The following MEGF6 variants were observed in gnomAD, a reference collection of about 807,000 sequenced individuals.
MEGF6 encodes the protein multiple epidermal growth factor-like domains protein 6.
Under a neutral mutation model 207.1 loss-of-function variants are expected in MEGF6, and 184 were observed. That is an observed-to-expected ratio of 0.89 (90% CI 0.79 to 1.00). The LOEUF (loss-of-function observed/expected upper bound fraction) is 1.00. MEGF6 is among the 50% of genes least tolerant of loss of function. The pLI, the probability that MEGF6 is intolerant of heterozygous loss-of-function variation, is 0.00. For synonymous variants in MEGF6, 1,038 were observed against 910.0 expected (o/e 1.14, Z -2.53); for missense variants, 2,282 against 2,202.9 (o/e 1.04, Z -0.72).
rs772818015 is a variant in MEGF6 at position 3,493,819 on chromosome 1, C to T, written c.4339G>A (p.Gly1447Ser). ...CGCCCTGGTGGGCAAAGGCAGAGAC[C>T]GGTGACAGGGTCACAGGGTGCCCCC... ...DGGAPCDPVT[G>S]LCLCPPGRSG... Residue 1447 changes from glycine (G) to serine (S), a missense_variant, in exon 34 of 37, where the codon GGT (glycine) becomes AGT (serine). Gly to Ser is a moderately conservative substitution (Grantham distance 56, BLOSUM62 0). Transcript: ENST00000356575. 1.3e-5 allele frequency: 21 copies of T among 1,609,652 alleles called. No individual in the cohort carries two copies. The highest frequency in any genetic ancestry group is 4.0e-5 in the African/African-American group (3 of 74,810).
At position 3,495,979 on chromosome 1, in the gene MEGF6, A is replaced by G; in HGVS notation, c.3782T>C (p.Val1261Ala). The stretch of plus-strand genomic sequence containing the variant: ...GGCCGCCCCCTGCCCACACCCACAC[A>G]CGTGGGTGCAGTTGGGGCCGAAGCG... ...QGRFGPNCTH[V>A]CGCGQGAACD... The change falls in exon 30 of 37, where the codon GTG (valine) becomes GCG (alanine). Residue 1261 changes from valine to alanine, a missense_variant. By Grantham distance (64) the Val-to-Ala change is moderately conservative. Coordinates refer to ENST00000356575, the MANE Select transcript of MEGF6 (RefSeq NM_001409.4). The G allele has an allele frequency of 6.4e-6, 10 of 1,568,740 alleles. No individual in the cohort carries two copies. Among genetic ancestry groups the G allele is most frequent in the Non-Finnish European group, 8.6e-6 (10 of 1,164,736 alleles).
intron 17 of MEGF6, among the ~76,000 whole-genome samples, chr1:3,503,571 G>T (rs41495053): frequency 0.015 from 2,356 of 152,204 alleles, 55 homozygotes; most frequent in African/African-American, 0.053. Flanking sequence ...CCTGTTCACT[G>T]TCTCTGGTAT....
chr1:3,501,012 T>A lies in MEGF6; in HGVS notation c.2529A>T (p.Gly843=). Residue 843 remains glycine (G), a synonymous_variant, in exon 20 of 37, where the codon GGA becomes GGT. Coordinates refer to ENST00000356575, the MANE Select transcript of MEGF6 (RefSeq NM_001409.4). ...ANDGHCHPAT[G]HCSCAPGWTG... ...TCCACCCGGGGGCACAGCTGCAGTG[T>A]CCGGTGGCTGGGTGGCAGTGCCCAT... 6.2e-7 allele frequency: 1 copy of A among 1,612,502 alleles called. No homozygotes were observed. The highest frequency in any genetic ancestry group is 8.5e-7 in the Non-Finnish European group (1 of 1,179,952).
chr1:3,490,710 G>GGGTGGGGCCC, intron 36 of MEGF6, 121 bp from the exon 37 acceptor site: 1 of 1,143,734 alleles, frequency 8.7e-7, no homozygotes, highest in Non-Finnish European at 1.3e-6. Flanking sequence ...CCCAGCAGGT[G>GGGTGGGGCCC]GGTGGGGCCC....
chr1:3,501,842 C>T lies in MEGF6; in HGVS notation c.2268G>A (p.Gly756=), dbSNP rs758149989. The change falls in exon 18 of 37, where the codon GGG becomes GGA. Residue 756 remains glycine, a synonymous_variant. Coordinates refer to ENST00000356575, the MANE Select transcript of MEGF6 (RefSeq NM_001409.4). ...CGGAPCHGVT[G]QCRCPPGRTG... ...TCCTCCCCGGCGGACACCGGCACTG[C>T]CCCGTGACCCCGTGGCAGGGGGCCC... is the stretch of plus-strand genomic sequence containing the variant. 1.6e-5 allele frequency: 25 copies of T among 1,607,252 alleles called. No individual in the cohort carries two copies. In the Admixed American group the frequency reaches 2.1e-4, roughly 13 times the overall value.
At position 3,493,582 on chromosome 1, in the gene MEGF6, G is replaced by A. The variant is rs1171239417; in HGVS notation, c.4387+189C>T. The A allele has an allele frequency of 4.0e-6, 3 of 745,684 alleles. No individual in the cohort carries two copies. In the Admixed American group the frequency reaches 9.3e-5, roughly 23 times the overall value. 46.2% of individuals were successfully genotyped at this position (745,684 alleles called of 1,614,324 possible). On this transcript the variant is annotated intron_variant, in intron 34 of 36. Coordinates refer to ENST00000356575, the MANE Select transcript of MEGF6 (RefSeq NM_001409.4). The stretch of plus-strand genomic sequence containing the variant: ...GCCTGGCCTAAGGCTCCAGCAGGAG[G>A]GCCATGCTTGGTACCGCATGTCCCA...
intron 4 of MEGF6, among the ~76,000 whole-genome samples, chr1:3,555,524 GA>G (rs1175324118): frequency 1.3e-5 from 2 of 152,254 alleles, no homozygotes; most frequent in Non-Finnish European, 2.9e-5. Context: ...GCTCAGAAAT[GA>G]AAGCAGGAGA....
intron 4 of MEGF6, among the ~76,000 whole-genome samples, chr1:3,529,464 G>T (rs960663596): frequency 6.6e-6 from 1 of 152,242 alleles, no homozygotes; most frequent in African/African-American, 2.4e-5. Context: ...AACCTGGGGG[G>T]AGCCATCTGG....
intron 3 of MEGF6, among the ~76,000 whole-genome samples, chr1:3,587,872 G>C (rs952220824): frequency 1.4e-4 from 1 of 7,302 alleles, no homozygotes; most frequent in Non-Finnish European, 5.4e-4. Flanking sequence ...GGGGACAGGA[G>C]TGGCCAGGAG....
At chr1:3,567,566 C>CT (rs1643381323) in intron 4 of MEGF6, among the ~76,000 whole-genome samples, 1 of 152,206 alleles carries the variant, frequency 6.6e-6, no homozygotes. Context: ...CACCTGCCAG[C>CT]CAGCACCGCG....
intron 17 of MEGF6, among the ~76,000 whole-genome samples, chr1:3,502,229 G>A (rs565510496): frequency 2.2e-4 from 33 of 152,296 alleles, no homozygotes; most frequent in Admixed American, 1.3e-3. Flanking sequence ...GGGAGGAGAG[G>A]GGAGGGGCAG....
intron 21 of MEGF6, 128 bp from the exon 22 acceptor site, chr1:3,500,052 A>AGTCTCCCTTGGGC: frequency 2.2e-6 from 3 of 1,347,926 alleles, no homozygotes; most frequent in Non-Finnish European, 2.9e-6. Context: ...CTTCCTGCCC[A>AGTCTCCCTTGGGC]AGGGAGACTG....
chr1:3,620,610 GTGGGAGCCTCCACACACGGAGTCCCCAC>G, the MEGF6 span, among the ~76,000 whole-genome samples: 2 of 152,246 alleles, frequency 1.3e-5, no homozygotes, highest in Non-Finnish European at 2.9e-5. Context: ...GAAATGTGGG[GTGGGAGCCTCCACACACGGAGTCCCCAC>G]TGGGGCACTT....
At chr1:3,537,739 G>A (rs1338840810) in intron 4 of MEGF6, among the ~76,000 whole-genome samples, 6 of 152,218 alleles carry the variant, frequency 3.9e-5, no homozygotes, top group East Asian at 1.9e-4. Flanking sequence ...CTGGGCACAC[G>A]CATTGGTAAG....
chr1:3,501,885 C>T lies in MEGF6; in HGVS notation c.2225G>A (p.Ser742Asn). The T allele has an allele frequency of 1.2e-6, 2 of 1,609,624 alleles. No homozygotes were observed. Among genetic ancestry groups the T allele is most frequent in the Non-Finnish European group, 1.7e-6 (2 of 1,178,742 alleles). ...PVGTFGVNCSSSCSCGGAPCH... is the reference protein window; with the variant it reads ...PVGTFGVNCSNSCSCGGAPCH... ...GGGGGCCCCCCCACAGGAGCAGGAG[C>T]TCGAGCAGTTCACGCCAAACGTCCC... Residue 742 changes from serine to asparagine, a missense_variant, in exon 18 of 37, where the codon AGC becomes AAC. By Grantham distance (46) the Ser-to-Asn change is conservative. Coordinates refer to ENST00000356575, the MANE Select transcript of MEGF6 (RefSeq NM_001409.4).
intron 5 of MEGF6, among the ~76,000 whole-genome samples, chr1:3,521,771 G>A (rs949225621): frequency 3.3e-5 from 5 of 152,174 alleles, no homozygotes; most frequent in African/African-American, 1.2e-4. Flanking sequence ...CCAGGAACTC[G>A]CCATCTGGTA....
chr1:3,600,809 C>T (rs563858293), intron 2 of MEGF6, among the ~76,000 whole-genome samples: 24 of 152,290 alleles, frequency 1.6e-4, no homozygotes, highest in African/African-American at 4.6e-4. Flanking sequence ...GCACACAGGA[C>T]GCCCATCCCC....
In MEGF6 at chr1:3,499,860, G is replaced by A. The variant is rs1640782860; in HGVS notation, c.2772C>T (p.Ala924=). 3 of 1,556,444 alleles carry A rather than the reference G, an allele frequency of 1.9e-6. No homozygotes were observed. In the East Asian group the frequency reaches 7.2e-5, roughly 38 times the overall value. ...TGCAGGCCCCGCTGACGTGGTCACA[G>A]GCTGCTCCATGCTGACACTGGCACC... is the stretch of plus-strand genomic sequence containing the variant. ...EQRCQCQHGA[A]CDHVSGACTC... Residue 924 remains alanine (A), a synonymous_variant, in exon 22 of 37, where the codon GCC becomes GCT. Transcript: ENST00000356575.
chr1:3,572,170 C>CT (rs1403635239), intron 4 of MEGF6, among the ~76,000 whole-genome samples: 3 of 124,552 alleles, frequency 2.4e-5, no homozygotes, highest in Admixed American at 1.6e-4. Context: ...GCTGGGTCCT[C>CT]CTGGGTGTGC....
Sources: allele counts gnomAD v4.1 joint callset (sites outside exome capture counted in the v4.1 genomes callset), GRCh38; gene constraint gnomAD v4.1.1; transcripts MANE v1.5; gene names NCBI Gene and HGNC (gene_info 2026-07-23, HGNC 2026-07-21).